Variants in FLNB observed in about 807,000 individuals in gnomAD.
FLNB encodes filamin-B.
FLNB carries 111 observed loss-of-function variants against 250.6 expected under a neutral mutation model. The ratio of observed to expected loss-of-function variants is 0.44; its 90% CI spans 0.38 to 0.52. FLNB has a LOEUF of 0.52. Among genes scored for constraint, FLNB ranks in the 20% least tolerant of loss-of-function variants. The probability of loss-of-function intolerance (pLI) is 0.00; values close to 1 mark genes in which losing one functional copy is unlikely to be tolerated. For missense variants in FLNB, 2,869 were observed against 3,447.8 expected (o/e 0.83, Z 4.20); for synonymous variants, 1,302 against 1,372.1 (o/e 0.95, Z 1.13).
At chr3:58,041,614 T>C (rs1396891011) in intron 1 of FLNB, among the ~76,000 whole-genome samples, 2 of 152,180 alleles carry the variant, frequency 1.3e-5, no homozygotes, top group Non-Finnish European at 2.9e-5. Flanking sequence ...AATAGTAACT[T>C]ACCCACCACC....
intron 1 of FLNB, among the ~76,000 whole-genome samples, chr3:58,032,203 G>A (rs2097132032): frequency 6.6e-6 from 1 of 152,146 alleles, no homozygotes; most frequent in Non-Finnish European, 1.5e-5. Context: ...AAAGTGCTGG[G>A]ATTACAAGTA....
At chr3:58,143,928 G>C (rs761574757) in intron 32 of FLNB, among the ~76,000 whole-genome samples, 3 of 152,150 alleles carry the variant, frequency 2.0e-5, no homozygotes, top group Non-Finnish European at 4.4e-5. Flanking sequence ...GGACTTTCCA[G>C]CCTGGCCTGC....
chr3:58,170,673 G>T lies in FLNB; in HGVS notation c.7720G>T (p.Val2574Phe), dbSNP rs765974957. Residue 2574 changes from valine (V) to phenylalanine (F), a missense_variant, in exon 46 of 46, where the codon GTC becomes TTC. Val to Phe is a conservative substitution (Grantham distance 50). Transcript: ENST00000295956. ...VGNQQYNVTYVVKERGDYVLA... is the reference protein window; with the variant it reads ...VGNQQYNVTYFVKERGDYVLA... ...CAACCAGCAATACAACGTCACATACGTCGTCAAGGAGAGGGGCGATTATGT... is the reference window on the plus strand; with the variant it reads ...CAACCAGCAATACAACGTCACATACTTCGTCAAGGAGAGGGGCGATTATGT... 6.2e-7 allele frequency: 1 copy of T among 1,614,146 alleles called. No individual in the cohort carries two copies. Among genetic ancestry groups the T allele is most frequent in the East Asian group, 2.2e-5 (1 of 44,870 alleles).
At position 58,110,126 on chromosome 3, in the gene FLNB, C is replaced by G. The variant is rs2097265976; in HGVS notation, c.2440C>G (p.Pro814Ala). The change falls in exon 16 of 46, where the codon CCT becomes GCT. Residue 814 changes from proline to alanine, a missense_variant. Coordinates refer to ENST00000295956, the MANE Select transcript of FLNB (RefSeq NM_001457.4). ...TACGTTCACAGTCAAATATGTGCCT[C>G]CTGCTGCTGGGCGATACACTATCAA... ...NDTFTVKYVPPAAGRYTIKVL... is the reference protein window; with the variant it reads ...NDTFTVKYVPAAAGRYTIKVL... The G allele has an allele frequency of 6.2e-7, 1 of 1,614,162 alleles. No individual in the cohort carries two copies. Among genetic ancestry groups the G allele is most frequent in the Non-Finnish European group, 8.5e-7 (1 of 1,180,030 alleles).
chr3:58,138,725 G>A (rs912445294), intron 29 of FLNB, among the ~76,000 whole-genome samples, 196 bp downstream of exon 29: 27 of 152,192 alleles, frequency 1.8e-4, no homozygotes, highest in African/African-American at 6.3e-4. Flanking sequence ...AGGGTTTTTA[G>A]GGAATCTTAC....
At chr3:58,109,092 C>G in intron 13 of FLNB, 87 bp from the exon 14 acceptor site, 1 of 1,543,002 alleles carries the variant, frequency 6.5e-7, no homozygotes, top group Non-Finnish European at 8.9e-7. Flanking sequence ...CAAGTGGTGA[C>G]TTGGCTGTCT....
intron 1 of FLNB, among the ~76,000 whole-genome samples, chr3:58,058,298 G>C (rs9880585): frequency 6.6e-6 from 1 of 152,052 alleles, no homozygotes; most frequent in Non-Finnish European, 1.5e-5. Context: ...GGTTCTGAAG[G>C]TTTCCCCCTT....
intron 11 of FLNB, among the ~76,000 whole-genome samples, chr3:58,105,489 G>A (rs1014059338): frequency 1.3e-5 from 2 of 152,260 alleles, no homozygotes; most frequent in Admixed American, 6.5e-5. Context: ...TTAGCAAATA[G>A]TGTTGACTGA....
chr3:58,121,308 G>A lies in FLNB; in HGVS notation c.2931G>A (p.Leu977=), dbSNP rs574484752. ...DTRGAGGQGK[L]DVTILSPSRK... is the part of the protein sequence containing the mutation. ...GGGGGGCAGGAGGCCAGGGGAAGCT[G>A]GACGTGACAATCCTCAGCCCCTCTC... Residue 977 remains leucine, a synonymous_variant, in exon 20 of 46, where the codon CTG becomes CTA. Transcript: ENST00000295956. 330 of 1,614,186 alleles carry A rather than the reference G, an allele frequency of 2.0e-4. 3 individuals are homozygous for A. The Middle Eastern group carries it at 2.3e-3, about 11-fold the overall frequency.
Position 58,163,249 on chromosome 3 carries a change from G to A in FLNB, c.7117G>A (p.Val2373Met). ...CCACGTGGTTGGAAGCCCCTTCAAAGTGCGCGTTGGGGAGCCTGGACAAGC... is the reference window on the plus strand; with the variant it reads ...CCACGTGGTTGGAAGCCCCTTCAAAATGCGCGTTGGGGAGCCTGGACAAGC... ...GSHVVGSPFK[V>M]RVGEPGQAGN... The change falls in exon 43 of 46, where the codon GTG becomes ATG. Residue 2373 changes from valine to methionine, a missense_variant. Transcript: ENST00000295956. The A allele has an allele frequency of 6.2e-7, 1 of 1,614,228 alleles. No individual in the cohort carries two copies. The highest frequency in any genetic ancestry group is 8.5e-7 in the Non-Finnish European group (1 of 1,180,036).
chr3:58,135,731 C>T (rs2097314793), intron 27 of FLNB, among the ~76,000 whole-genome samples: 1 of 152,136 alleles, frequency 6.6e-6, no homozygotes, highest in Admixed American at 6.5e-5. Flanking sequence ...CAGAGGATTT[C>T]GAGCTAAAAC....
At chr3:58,159,902 CT>C (rs2097358810) in intron 42 of FLNB, among the ~76,000 whole-genome samples, 4 of 152,272 alleles carry the variant, frequency 2.6e-5, no homozygotes, top group Admixed American at 2.6e-4. Context: ...CTCATTCTTT[CT>C]TTCTTTTTTA....
intron 9 of FLNB, 137 bp downstream of exon 9, chr3:58,102,477 T>A (rs1459022239): frequency 9.8e-7 from 1 of 1,024,936 alleles, no homozygotes; most frequent in Non-Finnish European, 1.5e-6. Flanking sequence ...CTATCTGGGC[T>A]CCTTGGGGAA....
chr3:58,074,354 C>A (rs1041351707), intron 1 of FLNB, among the ~76,000 whole-genome samples: 2 of 152,132 alleles, frequency 1.3e-5, no homozygotes, highest in African/African-American at 4.8e-5. Context: ...AGGTCTTGCT[C>A]CCCTAGGAGT....
At chr3:58,108,624 C>A in intron 13 of FLNB, 53 bp downstream of exon 13, 2 of 1,148,436 alleles carry the variant, frequency 1.7e-6, no homozygotes, top group Non-Finnish European at 2.6e-6. Context: ...CAAGATCTGA[C>A]CACGTAATGG....
At chr3:58,104,119 A>C (rs1379905688) in intron 10 of FLNB, 34 bp downstream of exon 10, 6 of 1,603,662 alleles carry the variant, frequency 3.7e-6, no homozygotes, top group Non-Finnish European at 5.1e-6. Flanking sequence ...TCTTCTCTGG[A>C]GGGTGCTCGG....
chr3:58,142,558 C>T lies in FLNB; in HGVS notation c.5182-92C>T. 2.7e-6 allele frequency: 3 copies of T among 1,116,216 alleles called. No individual in the cohort carries two copies. Among genetic ancestry groups the T allele is most frequent in the South Asian group, 1.3e-5 (1 of 77,900 alleles). 69.1% of individuals were successfully genotyped at this position (1,116,216 alleles called of 1,614,324 possible). A position where few individuals can be genotyped will look rare whatever the true frequency, so the allele number is the denominator to read the frequency against. On this transcript the variant is annotated intron_variant, in intron 30 of 45. Coordinates refer to ENST00000295956, the MANE Select transcript of FLNB (RefSeq NM_001457.4). The surrounding 1 kb of genome is among the most constrained non-coding windows in gnomAD (Gnocchi z 4.3). Reference sequence around the variant, plus strand: ...CATTCCCAAATCCCGGCCTCACTGGCTTGTAGAATTCCCAGCAGCTCTAAC... The same window carrying T: ...CATTCCCAAATCCCGGCCTCACTGGTTTGTAGAATTCCCAGCAGCTCTAAC...
At chr3:58,027,297 C>A (rs1040872368) in intron 1 of FLNB, among the ~76,000 whole-genome samples, 1 of 148,826 alleles carries the variant, frequency 6.7e-6, no homozygotes, top group Non-Finnish European at 1.5e-5. Flanking sequence ...GGATTACAGG[C>A]GTGCACCACT....
intron 1 of FLNB, among the ~76,000 whole-genome samples, chr3:58,024,064 T>G (rs2097118939): frequency 6.6e-6 from 1 of 152,174 alleles, no homozygotes; most frequent in African/African-American, 2.4e-5. Flanking sequence ...CCCTAAGGTC[T>G]TCATGGTATT....
Sources: gnomAD v4.1 joint callset for allele counts (sites outside exome capture counted in the v4.1 genomes callset) on GRCh38, gnomAD v4.1.1 for gene constraint, Gnocchi (gnomAD v3.1) non-coding constraint, MANE v1.5 for transcripts, NCBI Gene and HGNC (gene_info 2026-07-23, HGNC 2026-07-21) for gene names.